Variants in IPO13 observed in about 807,000 individuals in gnomAD.
IPO13 encodes the protein importin-13.
In IPO13, 28 loss-of-function variants were observed where a neutral mutation model predicts 115.5. The observed-to-expected ratio is 0.24, with a 90% confidence interval of 0.18 to 0.33. IPO13 has a LOEUF of 0.33. IPO13 is among the 10% of genes least tolerant of loss of function. IPO13 has a pLI of 1.00. For missense variants in IPO13, 785 were observed against 1,204.6 expected, an observed-to-expected ratio of 0.65 and a Z score of 5.16; for synonymous variants, 414 against 478.9, an observed-to-expected ratio of 0.86 and a Z score of 1.77.
chr1:43,961,408 A>G (rs1490791753), intron 14 of IPO13, 146 bp downstream of exon 14: 1 of 729,958 alleles, frequency 1.4e-6, no homozygotes, highest in Non-Finnish European at 2.5e-6. Context: ...GATCAAGCAC[A>G]ACACCTTATA....
In IPO13 at chr1:43,966,539, G is replaced by C. The variant is rs780127558; in HGVS notation, c.2398-36G>C. 1 of 1,610,248 alleles carries C rather than the reference G, an allele frequency of 6.2e-7. No homozygotes were observed. The highest frequency in any genetic ancestry group is 8.5e-7 in the Non-Finnish European group (1 of 1,176,674). ...AGTGGGGGGGATGGTCCTTGGAGCT[G>C]GCTGGGGCTGGGCTTACCAGCTCCA... On this transcript the variant is annotated intron_variant, in intron 15 of 19. Transcript: ENST00000372343. This position sits in a 1 kb window ranked among gnomAD's most constrained non-coding sequence, Gnocchi z 4.1.
intron 15 of IPO13, 48 bp downstream of exon 15, chr1:43,964,369 T>G: frequency 7.1e-7 from 1 of 1,413,412 alleles, no homozygotes; most frequent in Non-Finnish European, 9.9e-7. Flanking sequence ...CTCTTTCTCT[T>G]TCTCTTATGT....
chr1:43,964,347 G>T, intron 15 of IPO13, 26 bp downstream of exon 15: 1 of 1,534,196 alleles, frequency 6.5e-7, no homozygotes, highest in South Asian at 1.1e-5. Flanking sequence ...ATTCATTCAC[G>T]TTCTGTTCTC....
At position 43,966,457 on chromosome 1, in the gene IPO13, C is replaced by A; in HGVS notation, c.2398-118C>A. 1 of 1,012,032 alleles carries A rather than the reference C, an allele frequency of 9.9e-7. No homozygotes were observed. Among genetic ancestry groups the A allele is most frequent in the East Asian group, 2.5e-5 (1 of 40,290 alleles). The allele number at this position is 1,012,032 out of a possible 1,614,324, so 62.7% of individuals were successfully genotyped here. A position where few individuals can be genotyped will look rare whatever the true frequency, so the allele number is the denominator to read the frequency against. ...GGGTCCCCCAGAGATGGCTGGGTAG[C>A]TGGTTTTGGCAGCCTCTACCTGTGA... On this transcript the variant is annotated intron_variant, in intron 15 of 19. Transcript: ENST00000372343. This position sits in a 1 kb window ranked among gnomAD's most constrained non-coding sequence, Gnocchi z 4.1.
chr1:43,950,184 A>G (rs1184682174), intron 2 of IPO13, 31 bp downstream of exon 2: 15 of 1,568,194 alleles, frequency 9.6e-6, no homozygotes, highest in South Asian at 8.2e-5. Flanking sequence ...CCAGAAGACA[A>G]CCTCTTTGGC....
chr1:43,955,908 C>T (rs1488802941), intron 2 of IPO13, among the ~76,000 whole-genome samples: 1 of 151,658 alleles, frequency 6.6e-6, no homozygotes, highest in Admixed American at 6.6e-5. Flanking sequence ...GGTGGCTCCA[C>T]CTGTAATCCC....
At position 43,947,534 on chromosome 1, in the gene IPO13, C is replaced by T; in HGVS notation, c.-67C>T. Reference sequence around the variant, plus strand: ...ACCCAAGCCGGGGTCTAGCAGGGGGCCAGCAGCCAAGGGGCTGGGGCAGGA... The same window carrying T: ...ACCCAAGCCGGGGTCTAGCAGGGGGTCAGCAGCCAAGGGGCTGGGGCAGGA... On this transcript the variant is annotated 5_prime_UTR_variant, in exon 1 of 20. Transcript: ENST00000372343. 1.0e-6 allele frequency: 1 copy of T among 955,476 alleles called. No homozygotes were observed. The highest frequency in any genetic ancestry group is 1.4e-6 in the Non-Finnish European group (1 of 725,370). 59.2% of individuals were successfully genotyped at this position (955,476 alleles called of 1,614,324 possible). A position where few individuals can be genotyped will look rare whatever the true frequency, so the allele number is the denominator to read the frequency against.
At chr1:43,961,382 G>A in intron 14 of IPO13, 120 bp downstream of exon 14, 1 of 811,802 alleles carries the variant, frequency 1.2e-6, no homozygotes, top group Non-Finnish European at 2.2e-6. Context: ...CGTGGGACTT[G>A]ATGGGAAACC....
In IPO13 at chr1:43,966,713, C is replaced by T; in HGVS notation, c.2465-11C>T. The stretch of plus-strand genomic sequence containing the variant: ...GATCGTTAAACTGATCTGCCTCTGC[C>T]TTTCCCACAGCTGTGCTGGCCCTCA... On this transcript the variant is annotated splice_polypyrimidine_tract_variant and intron_variant, in intron 16 of 19. Transcript: ENST00000372343. The surrounding 1 kb of genome is among the most constrained non-coding windows in gnomAD (Gnocchi z 4.1). The T allele has an allele frequency of 1.2e-6, 2 of 1,614,212 alleles. No individual in the cohort carries two copies. The highest frequency in any genetic ancestry group is 1.7e-6 in the Non-Finnish European group (2 of 1,180,036).
chr1:43,960,284 C>G lies in IPO13; in HGVS notation c.2064C>G (p.Ile688Met). 6.2e-7 allele frequency: 1 copy of G among 1,614,148 alleles called. No individual in the cohort carries two copies. The highest frequency in any genetic ancestry group is 8.5e-7 in the Non-Finnish European group (1 of 1,180,032). ...VVVLQQVFQL[I>M]QKVLSKWLND... ...TGCTGCAGCAGGTCTTCCAGCTTAT[C>G]CAGAAGGTGCTGAGCAAATGGTTGA... is the stretch of plus-strand genomic sequence containing the variant. The change falls in exon 12 of 20, where the codon ATC becomes ATG. Residue 688 changes from isoleucine (I) to methionine (M), a missense_variant. This residue lies in a region of IPO13 where 285 missense variants were observed against 394.8 expected (regional missense o/e 0.72). Transcript: ENST00000372343.
rs776163875 is a variant in IPO13, at chr1:43,956,402, A to G, written c.904A>G (p.Met302Val). ...QLRQAVQNGDMETSHGICRIA... is the reference protein window; with the variant it reads ...QLRQAVQNGDVETSHGICRIA... Reference sequence around the variant, plus strand: ...GCGGCAGGCAGTGCAGAATGGGGACATGGAGACCTCCCATGGCATCTGTCG... The same window carrying G: ...GCGGCAGGCAGTGCAGAATGGGGACGTGGAGACCTCCCATGGCATCTGTCG... The change falls in exon 3 of 20, where the codon ATG becomes GTG. Residue 302 changes from methionine to valine, a missense_variant. Met to Val is a conservative substitution (Grantham distance 21). Coordinates refer to ENST00000372343, the MANE Select transcript of IPO13 (RefSeq NM_014652.4). The surrounding 1 kb of genome is among the most constrained non-coding windows in gnomAD (Gnocchi z 4.7). 4 of 1,614,214 alleles carry G rather than the reference A, an allele frequency of 2.5e-6. No individual in the cohort carries two copies. Among genetic ancestry groups the G allele is most frequent in the South Asian group, 1.1e-5 (1 of 91,090 alleles).
chr1:43,953,091 TTC>T (rs1403130362), intron 2 of IPO13: 1 of 152,242 alleles, frequency 6.6e-6, no homozygotes, highest in African/African-American at 2.4e-5. Context: ...TTGATGCCCC[TTC>T]TCCTCTGAAC....
At chr1:43,961,370 C>A in intron 14 of IPO13, 108 bp downstream of exon 14, 1 of 878,598 alleles carries the variant, frequency 1.1e-6, no homozygotes. Context: ...CCCTGAGTCA[C>A]ACGTGGGACT....
Position 43,947,503 on chromosome 1 carries a change from C to A in IPO13, c.-98C>A. ...GGGCCCCCCCTCACCCCACCACTCC[C>A]TGGGCACCCAAGCCGGGGTCTAGCA... On this transcript the variant is annotated 5_prime_UTR_variant, in exon 1 of 20. It adds an upstream start codon to the 5' untranslated region. Coordinates refer to ENST00000372343, the MANE Select transcript of IPO13 (RefSeq NM_014652.4). 1 of 664,706 alleles carries A rather than the reference C, an allele frequency of 1.5e-6. No individual in the cohort carries two copies. Among genetic ancestry groups the A allele is most frequent in the Non-Finnish European group, 2.1e-6 (1 of 465,546 alleles). The allele number at this position is 664,706 out of a possible 1,614,324, so 41.2% of individuals were successfully genotyped here. A position where few individuals can be genotyped will look rare whatever the true frequency, so the allele number is the denominator to read the frequency against.
chr1:43,961,317 C>T, intron 14 of IPO13, 55 bp downstream of exon 14: 23 of 1,446,702 alleles, frequency 1.6e-5, no homozygotes, highest in Non-Finnish European at 2.2e-5. Flanking sequence ...CCTCTGCTTC[C>T]CCAAATGGGG....
Position 43,967,798 on chromosome 1 carries a change from A to C in IPO13, c.*116A>C. On this transcript the variant is annotated 3_prime_UTR_variant, in exon 20 of 20. Transcript: ENST00000372343. This position sits in a 1 kb window ranked among gnomAD's most constrained non-coding sequence, Gnocchi z 6.1. The stretch of plus-strand genomic sequence containing the variant: ...TCTGCTGTCACCACCACCTAACTGA[A>C]AGCCTGGGTCCAGAAGGCCTGGGGG... The C allele has an allele frequency of 1.0e-6, 1 of 983,548 alleles. No individual in the cohort carries two copies. Among genetic ancestry groups the C allele is most frequent in the Non-Finnish European group, 1.6e-6 (1 of 638,028 alleles). 60.9% of individuals were successfully genotyped at this position (983,548 alleles called of 1,614,324 possible). A position where few individuals can be genotyped will look rare whatever the true frequency, so the allele number is the denominator to read the frequency against.
At chr1:43,961,099 C>G (rs2085286756) in intron 13 of IPO13, 67 bp from the exon 14 acceptor site, 1 of 1,606,490 alleles carries the variant, frequency 6.2e-7, no homozygotes, top group Non-Finnish European at 8.5e-7. Flanking sequence ...CACTTGCATT[C>G]CAGGGATATT....
chr1:43,957,202 A>G lies in IPO13; in HGVS notation c.1279A>G (p.Ile427Val). The G allele has an allele frequency of 2.5e-6, 4 of 1,613,816 alleles. No individual in the cohort carries two copies. The highest frequency in any genetic ancestry group is 3.4e-6 in the Non-Finnish European group (4 of 1,179,768). Residue 427 changes from isoleucine (I) to valine (V), a missense_variant, in exon 6 of 20, where the codon ATC becomes GTC. Physicochemically the swap from Ile to Val is conservative, Grantham distance 29. Around this residue, in one of 3 missense-constraint regions of IPO13, gnomAD observed 175 missense variants for 360.0 expected, o/e 0.49. Coordinates refer to ENST00000372343, the MANE Select transcript of IPO13 (RefSeq NM_014652.4). Reference sequence around the variant, plus strand: ...CCTTCATCTGCTTCTCAGGGTGGACATCTCAGACACGCTCATGTATGTCTA... The same window carrying G: ...CCTTCATCTGCTTCTCAGGGTGGACGTCTCAGACACGCTCATGTATGTCTA... ...KEQFRIYRVD[I>V]SDTLMYVYEM...
Position 43,967,081 on chromosome 1 carries a change from C to A in IPO13, c.2613+62C>A. 1 of 1,490,720 alleles carries A rather than the reference C, an allele frequency of 6.7e-7. No individual in the cohort carries two copies. The highest frequency in any genetic ancestry group is 9.4e-7 in the Non-Finnish European group (1 of 1,068,338). 92.3% of individuals were successfully genotyped at this position (1,490,720 alleles called of 1,614,324 possible). The stretch of plus-strand genomic sequence containing the variant: ...GGCCCCTCACTGCTGAGGCAGCTGG[C>A]CTTCTGGGAGGCTTGAGCCTTTGGT... On this transcript the variant is annotated intron_variant, in intron 18 of 19. Coordinates refer to ENST00000372343, the MANE Select transcript of IPO13 (RefSeq NM_014652.4). The surrounding 1 kb of genome is among the most constrained non-coding windows in gnomAD (Gnocchi z 6.1).
Sources: allele counts gnomAD v4.1 joint callset (sites outside exome capture counted in the v4.1 genomes callset), GRCh38; gene constraint gnomAD v4.1.1; regional missense constraint gnomAD v4.1.1; non-coding constraint Gnocchi (gnomAD v3.1); transcripts MANE v1.5; gene names NCBI Gene and HGNC (gene_info 2026-07-23, HGNC 2026-07-21).